The following SORCS2 variants were observed in gnomAD, a reference collection of about 807,000 sequenced individuals.
SORCS2 encodes the protein sortilin related VPS10 domain containing receptor 2.
Under a neutral mutation model 141.6 loss-of-function variants are expected in SORCS2, and 100 were observed. That is an observed-to-expected ratio of 0.71 (90% confidence interval 0.60 to 0.83). SORCS2 has a LOEUF of 0.83. SORCS2 is among the 40% of genes least tolerant of loss of function. SORCS2 has a pLI of 0.00. For synonymous variants in SORCS2, 789 were observed against 676.9 expected (o/e 1.17, Z -2.57); for missense variants, 1,646 against 1,560.2 (o/e 1.05, Z -0.93).
intron 2 of SORCS2, among the ~76,000 whole-genome samples, chr4:7,485,202 G>C (rs922712750): frequency 3.9e-5 from 6 of 152,282 alleles, no homozygotes; most frequent in East Asian, 1.9e-4. Flanking sequence ...TGCAGCCTTC[G>C]GTCCCCAGAT....
chr4:7,512,304 G>A (rs1361722999), intron 2 of SORCS2, among the ~76,000 whole-genome samples: 1 of 148,820 alleles, frequency 6.7e-6, no homozygotes, highest in Non-Finnish European at 1.5e-5. Context: ...GTAATGGTGG[G>A]ATTTGAGTTT....
At chr4:7,657,501 AAATG>A (rs1475780342) in intron 5 of SORCS2, among the ~76,000 whole-genome samples, 1 of 34,134 alleles carries the variant, frequency 2.9e-5, no homozygotes, top group African/African-American at 4.0e-5. Context: ...ATGAATGAGT[AAATG>A]AATGAGTAAA....
At chr4:7,531,653 G>A (rs1455481551) in intron 3 of SORCS2, 24 bp downstream of exon 3, 18 of 1,600,500 alleles carry the variant, frequency 1.1e-5, no homozygotes, top group South Asian at 5.5e-5. Context: ...GGGGGTGGCC[G>A]CCACTCTGGC....
intron 2 of SORCS2, among the ~76,000 whole-genome samples, chr4:7,506,881 A>G (rs2109447654): frequency 6.6e-6 from 1 of 152,330 alleles, no homozygotes; most frequent in East Asian, 1.9e-4. Flanking sequence ...AAAGCAGCAT[A>G]GGTAAGTGCC....
In SORCS2 at chr4:7,341,411, T is replaced by C. The variant is rs533910489; in HGVS notation, c.481-54877T>C. ...CCCAGCCCTGAACCCTGCGGGGCTTTGTCCCTCTCCTCGTCTTGTGTTGGC... is the reference window on the plus strand; with the variant it reads ...CCCAGCCCTGAACCCTGCGGGGCTTCGTCCCTCTCCTCGTCTTGTGTTGGC... On this transcript the variant is annotated intron_variant, in intron 1 of 26. Coordinates refer to ENST00000507866, the MANE Select transcript of SORCS2 (RefSeq NM_020777.3). Among the ~76,000 whole-genome samples, 22 of 152,364 alleles carry C rather than the reference T, an allele frequency of 1.4e-4. 1 individual carries two copies. The highest frequency in any genetic ancestry group is 6.8e-3 in the Middle Eastern group (2 of 294).
chr4:7,340,047 C>A (rs1052901539), intron 1 of SORCS2, among the ~76,000 whole-genome samples: 1 of 152,208 alleles, frequency 6.6e-6, no homozygotes, highest in Non-Finnish European at 1.5e-5. Context: ...TATGAAGGGC[C>A]TGTGGGGCAC....
intron 1 of SORCS2, among the ~76,000 whole-genome samples, chr4:7,367,584 C>T (rs533042368): frequency 2.6e-5 from 4 of 152,312 alleles, no homozygotes; most frequent in East Asian, 1.9e-4. Context: ...CGGCTCTTCT[C>T]GCTCAGGGCT....
At chr4:7,257,330 C>T (rs1482931111) in intron 1 of SORCS2, among the ~76,000 whole-genome samples, 1 of 110,206 alleles carries the variant, frequency 9.1e-6, no homozygotes, top group East Asian at 3.0e-4. Flanking sequence ...CAGCACCGAC[C>T]TTGGGGAAGG....
intron 1 of SORCS2, among the ~76,000 whole-genome samples, chr4:7,265,096 G>A (rs1203657516): frequency 6.6e-6 from 1 of 152,218 alleles, no homozygotes; most frequent in East Asian, 1.9e-4. Context: ...TCCATTCGGG[G>A]GTGTGTTAAT....
intron 2 of SORCS2, among the ~76,000 whole-genome samples, chr4:7,445,163 C>T (rs1278214595): frequency 2.0e-5 from 3 of 152,212 alleles, no homozygotes; most frequent in Admixed American, 1.3e-4. Context: ...AGATGGAGAC[C>T]TCAGGGCCAA....
chr4:7,698,530 T>C (rs1724851438), intron 12 of SORCS2, among the ~76,000 whole-genome samples: 1 of 152,252 alleles, frequency 6.6e-6, no homozygotes, highest in Non-Finnish European at 1.5e-5. Flanking sequence ...TGTCCATTTA[T>C]TAGAGAAGAT....
chr4:7,280,209 C>T (rs1290294906), intron 1 of SORCS2, among the ~76,000 whole-genome samples: 1 of 152,012 alleles, frequency 6.6e-6, no homozygotes, highest in East Asian at 1.9e-4. Flanking sequence ...ATCCCGGGTA[C>T]CCACAGAGAA....
intron 1 of SORCS2, among the ~76,000 whole-genome samples, chr4:7,351,118 C>A (rs1259870358): frequency 2.0e-5 from 3 of 152,230 alleles, no homozygotes; most frequent in African/African-American, 7.2e-5. Flanking sequence ...ACACGCCCCC[C>A]CACTTAGCCC....
chr4:7,679,185 G>A (rs1279739746), intron 9 of SORCS2, among the ~76,000 whole-genome samples: 1 of 152,090 alleles, frequency 6.6e-6, no homozygotes, highest in African/African-American at 2.4e-5. Context: ...AGGCTGCAGG[G>A]GTCTCTCCCC....
intron 3 of SORCS2, among the ~76,000 whole-genome samples, chr4:7,589,528 A>C (rs987871403): frequency 1.2e-4 from 18 of 152,100 alleles, no homozygotes; most frequent in African/African-American, 4.3e-4. Context: ...TCAGCCTCCC[A>C]AGTAGCTGGG....
chr4:7,564,360 C>T (rs1251813025), intron 3 of SORCS2, among the ~76,000 whole-genome samples: 1 of 152,204 alleles, frequency 6.6e-6, no homozygotes, highest in Non-Finnish European at 1.5e-5. Flanking sequence ...CTCCGGAGAG[C>T]TCTCTGCCTT....
intron 2 of SORCS2, among the ~76,000 whole-genome samples, chr4:7,414,412 G>A (rs1441045353): frequency 1.3e-5 from 2 of 152,218 alleles, no homozygotes. Flanking sequence ...AACAGAGGAA[G>A]GCAGTCTAGG....
intron 3 of SORCS2, among the ~76,000 whole-genome samples, chr4:7,541,149 C>T (rs753416915): frequency 9.2e-5 from 14 of 152,322 alleles, no homozygotes; most frequent in Admixed American, 7.2e-4. Context: ...CATTACACTT[C>T]GGGAGGGGAG....
At chr4:7,515,783 CTGCAGCTCTCTGCCT>C (rs1732938659) in intron 2 of SORCS2, among the ~76,000 whole-genome samples, 1 of 152,248 alleles carries the variant, frequency 6.6e-6, no homozygotes, top group South Asian at 2.1e-4. Context: ...CACATCTGCC[CTGCAGCTCTCTGCCT>C]AACACAGGCT....
Sources: allele counts gnomAD v4.1 joint callset (sites outside exome capture counted in the v4.1 genomes callset), GRCh38; gene constraint gnomAD v4.1.1; transcripts MANE v1.5; gene names NCBI Gene and HGNC (gene_info 2026-07-23, HGNC 2026-07-21).